Variants in EFHC1 observed in about 807,000 individuals in gnomAD.
EFHC1 encodes EF-hand domain-containing protein 1.
Under a neutral mutation model 69.9 loss-of-function variants are expected in EFHC1, and 53 were observed. That is an observed-to-expected ratio of 0.76 (90% CI 0.61 to 0.95). EFHC1 has a LOEUF of 0.95. EFHC1 is among the 40% of genes least tolerant of loss of function. The pLI is 0.00. For synonymous variants in EFHC1, 256 were observed against 278.4 expected, an observed-to-expected ratio of 0.92 and a Z score of 0.80; for missense variants, 739 against 798.7, an observed-to-expected ratio of 0.93 and a Z score of 0.90.
intron 3 of EFHC1, among the ~76,000 whole-genome samples, chr6:52,451,625 CCTTGCATAGAAT>C (rs774309838): frequency 1.5e-4 from 23 of 152,258 alleles, no homozygotes; most frequent in Admixed American, 5.9e-4. Flanking sequence ...GGGATGATCT[CCTTGCATAGAAT>C]CTTGCAGGGA....
chr6:52,464,815 A>G (rs140734939), intron 5 of EFHC1, 80 bp from the exon 6 acceptor site: 1 of 1,260,388 alleles, frequency 7.9e-7, no homozygotes, highest in African/African-American at 1.5e-5. Context: ...GGTTCTCAAG[A>G]ATGCCTGGCA....
At chr6:52,424,457 C>T (rs1276051380) in intron 2 of EFHC1, among the ~76,000 whole-genome samples, 1 of 152,144 alleles carries the variant, frequency 6.6e-6, no homozygotes, top group Non-Finnish European at 1.5e-5. Context: ...AATTTATATT[C>T]TATGTTTATC....
chr6:52,479,388 TATA>T, intron 8 of EFHC1, 138 bp downstream of exon 8: 1 of 1,065,066 alleles, frequency 9.4e-7, no homozygotes, highest in South Asian at 1.3e-5. Flanking sequence ...GTATATATGG[TATA>T]ATGTGTTAAT....
chr6:52,439,813 A>T (rs1764620128), intron 3 of EFHC1, among the ~76,000 whole-genome samples: 1 of 152,150 alleles, frequency 6.6e-6, no homozygotes, highest in Admixed American at 6.6e-5. Flanking sequence ...TAGAGGTGCT[A>T]GACCATCTTT....
chr6:52,438,696 CCTG>C, intron 3 of EFHC1, 105 bp downstream of exon 3: 11 of 1,255,744 alleles, frequency 8.8e-6, no homozygotes, highest in Non-Finnish European at 1.3e-5. Context: ...GGTAATCTGT[CCTG>C]CATGAATTAT....
chr6:52,426,924 A>G (rs1375858169), intron 2 of EFHC1, among the ~76,000 whole-genome samples: 2 of 152,150 alleles, frequency 1.3e-5, no homozygotes, highest in Non-Finnish European at 2.9e-5. Context: ...TTTATTCTCT[A>G]GAGTTCAGCT....
intron 3 of EFHC1, among the ~76,000 whole-genome samples, chr6:52,450,891 C>T (rs1384005750): frequency 2.6e-5 from 4 of 152,142 alleles, no homozygotes; most frequent in African/African-American, 9.7e-5. Flanking sequence ...CTCTGCCTCC[C>T]AGGCTCAAGT....
In EFHC1 at chr6:52,479,085, T is replaced by G. The variant is rs766251523; in HGVS notation, c.1327T>G (p.Phe443Val). 6.2e-7 allele frequency: 1 copy of G among 1,614,144 alleles called. No homozygotes were observed. The highest frequency in any genetic ancestry group is 1.1e-5 in the South Asian group (1 of 91,086). Residue 443 changes from phenylalanine (F) to valine (V), a missense_variant, in exon 8 of 11, where the codon TTT (phenylalanine) becomes GTT (valine). By Grantham distance (50) the Phe-to-Val change is conservative. Transcript: ENST00000371068. ...AGACCGCAGATTTGTCTTCTCTTAC[T>G]TTCTAGCTACCGACATGATCAGTAT... ...DKDRRFVFSY[F>V]LATDMISIFE... is the part of the protein sequence containing the mutation.
intron 5 of EFHC1, among the ~76,000 whole-genome samples, chr6:52,458,760 T>C (rs1428876245): frequency 6.6e-6 from 1 of 152,240 alleles, no homozygotes; most frequent in East Asian, 1.9e-4. Context: ...ATTGGGTATA[T>C]ACCCAAAAGA....
intron 2 of EFHC1, among the ~76,000 whole-genome samples, chr6:52,427,493 G>A (rs1764325184): frequency 1.3e-5 from 2 of 151,800 alleles, no homozygotes; most frequent in Non-Finnish European, 2.9e-5. Context: ...CTTTCAGTGA[G>A]GCTTTTCCTG....
chr6:52,448,495 G>T (rs1366811812), intron 3 of EFHC1, among the ~76,000 whole-genome samples: 1 of 152,172 alleles, frequency 6.6e-6, no homozygotes, highest in Non-Finnish European at 1.5e-5. Context: ...CTAGGAAAGG[G>T]AATTCCCCGA....
intron 3 of EFHC1, among the ~76,000 whole-genome samples, chr6:52,441,073 A>G (rs1161663800): frequency 6.6e-6 from 1 of 151,856 alleles, no homozygotes; most frequent in African/African-American, 2.4e-5. Flanking sequence ...TTTCTTTCCC[A>G]TTCTTTAGAT....
chr6:52,469,033 G>C, intron 6 of EFHC1: 1 of 405,496 alleles, frequency 2.5e-6, no homozygotes, highest in Non-Finnish European at 4.6e-6. Flanking sequence ...CCCTCACTGG[G>C]GTGGGACTAG....
chr6:52,494,233 T>C lies in EFHC1; in HGVS notation c.*1892T>C. The C allele has an allele frequency of 2.2e-6, 1 of 454,148 alleles. No homozygotes were observed. Among genetic ancestry groups the C allele is most frequent in the Non-Finnish European group, 4.4e-6 (1 of 226,802 alleles). The allele number at this position is 454,148 out of a possible 1,614,324, so 28.1% of individuals were successfully genotyped here. On this transcript the variant is annotated 3_prime_UTR_variant, in exon 11 of 11. Coordinates refer to ENST00000371068, the MANE Select transcript of EFHC1 (RefSeq NM_018100.4). ...GCAAATAAGTTGGACCATTGAAAGT[T>C]GGGGACTATCTGTATTTTAGAAGTT... is the stretch of plus-strand genomic sequence containing the variant.
chr6:52,449,380 CA>C (rs141155248), intron 3 of EFHC1, among the ~76,000 whole-genome samples: 2,300 of 104,314 alleles, frequency 0.022, 33 homozygotes, highest in African/African-American at 0.055. Context: ...GACTCCATCT[CA>C]AAAAAAAAAA....
intron 5 of EFHC1, among the ~76,000 whole-genome samples, chr6:52,455,244 G>A (rs574772541): frequency 6.6e-6 from 1 of 152,206 alleles, no homozygotes; most frequent in East Asian, 1.9e-4. Context: ...ATGTCATCTT[G>A]GTCACATGTA....
intron 1 of EFHC1, among the ~76,000 whole-genome samples, chr6:52,420,708 C>A (rs1258232879): frequency 7.9e-5 from 12 of 152,244 alleles, no homozygotes; most frequent in African/African-American, 2.9e-4. Flanking sequence ...AGTTTTTTCC[C>A]ACTCCATCTT....
chr6:52,475,005 T>TG (rs1442676522), intron 7 of EFHC1, among the ~76,000 whole-genome samples: 1 of 143,942 alleles, frequency 6.9e-6, no homozygotes, highest in Non-Finnish European at 1.5e-5. Flanking sequence ...ATTGTTGTTT[T>TG]GGGTTTTTTT....
chr6:52,440,295 C>T (rs938145564), intron 3 of EFHC1, among the ~76,000 whole-genome samples: 11 of 152,044 alleles, frequency 7.2e-5, no homozygotes, highest in Admixed American at 3.3e-4. Context: ...TAAACTCACA[C>T]CCAACAGCAC....
Sources: allele counts gnomAD v4.1 joint callset (sites outside exome capture counted in the v4.1 genomes callset), GRCh38; gene constraint gnomAD v4.1.1; transcripts MANE v1.5; gene names NCBI Gene and HGNC (gene_info 2026-07-23, HGNC 2026-07-21).